CDH13: variants seen among roughly 807,000 people sequenced by gnomAD.
The protein encoded by CDH13 is cadherin 13, also known as cadherin-13.
Under a neutral mutation model 63.8 loss-of-function variants are expected in CDH13, and 24 were observed. The observed-to-expected ratio is 0.38, with a 90% CI of 0.27 to 0.53. CDH13 has a LOEUF of 0.53. Ranked by LOEUF, CDH13 falls within the 20% of genes least tolerant of loss-of-function variation. CDH13 has a pLI of 0.85. For missense variants in CDH13, 1,049 were observed against 903.1 expected, an observed-to-expected ratio of 1.16 and a Z score of -2.07; for synonymous variants, 503 against 355.3, an observed-to-expected ratio of 1.42 and a Z score of -4.67.
At chr16:83,370,257 G>A (rs2091340002) in intron 6 of CDH13, among the ~76,000 whole-genome samples, 4 of 151,806 alleles carry the variant, frequency 2.6e-5, no homozygotes, top group South Asian at 4.2e-4. Flanking sequence ...GTGCGGTGGC[G>A]GGCGGCTATA....
intron 1 of CDH13, among the ~76,000 whole-genome samples, chr16:82,726,177 C>T (rs2033082906): frequency 6.6e-6 from 1 of 152,138 alleles, no homozygotes; most frequent in South Asian, 2.1e-4. Context: ...GTAGGTTATA[C>T]AGCACCAAGG....
intron 3 of CDH13, among the ~76,000 whole-genome samples, chr16:83,036,264 C>G (rs1916846854): frequency 6.6e-6 from 1 of 151,522 alleles, no homozygotes; most frequent in African/African-American, 2.4e-5. Flanking sequence ...ATTCTCCTGC[C>G]TCAGCCTTCT....
chr16:83,132,879 C>T lies in CDH13; in HGVS notation c.483+7378C>T, dbSNP rs114107359. Among the ~76,000 whole-genome samples, 1,108 of 152,294 alleles carry T rather than the reference C, an allele frequency of 7.3e-3. 12 individuals are homozygous for T. Among genetic ancestry groups the T allele is most frequent in the African/African-American group, 0.025 (1,052 of 41,564 alleles). On this transcript the variant is annotated intron_variant, in intron 4 of 13. Transcript: ENST00000567109. ...TTGAGATGAACATCACAGTTTATTT[C>T]TACATTCAGCAGCCATAGCTACACA...
intron 10 of CDH13, among the ~76,000 whole-genome samples, chr16:83,688,648 T>C (rs903719927): frequency 6.6e-6 from 1 of 152,210 alleles, no homozygotes; most frequent in Non-Finnish European, 1.5e-5. Context: ...TTTTTTCTTT[T>C]TTAAGTCAAC....
intron 2 of CDH13, among the ~76,000 whole-genome samples, chr16:82,989,381 G>C (rs773242361): frequency 6.6e-6 from 1 of 152,196 alleles, no homozygotes; most frequent in Non-Finnish European, 1.5e-5. Flanking sequence ...TGGAGGTGCT[G>C]TTCTGCCTTT....
intron 2 of CDH13, among the ~76,000 whole-genome samples, chr16:82,932,905 T>C (rs909126940): frequency 6.6e-6 from 1 of 152,146 alleles, no homozygotes; most frequent in African/African-American, 2.4e-5. Flanking sequence ...GAGAATGAAG[T>C]TTACTAGTAG....
chr16:83,334,361 T>TCTCTCTCTCTCTCTCTCACA (rs1272779883), intron 5 of CDH13, among the ~76,000 whole-genome samples: 1 of 85,594 alleles, frequency 1.2e-5, no homozygotes, highest in Non-Finnish European at 2.2e-5. Context: ...TCTCTCTCTC[T>TCTCTCTCTCTCTCTCTCACA]CACACACACA....
intron 7 of CDH13, among the ~76,000 whole-genome samples, chr16:83,556,499 T>C (rs2075604996): frequency 1.3e-5 from 2 of 152,182 alleles, no homozygotes; most frequent in Admixed American, 6.5e-5. Flanking sequence ...AAAGTTGTTG[T>C]TGTTCCCAGT....
At chr16:83,382,847 C>G (rs2091594656) in intron 6 of CDH13, among the ~76,000 whole-genome samples, 1 of 152,146 alleles carries the variant, frequency 6.6e-6, no homozygotes, top group Admixed American at 6.5e-5. Flanking sequence ...TCTGACCCCA[C>G]CCATGGTACA....
At chr16:83,341,302 A>T (rs2090716911) in intron 5 of CDH13, among the ~76,000 whole-genome samples, 1 of 152,204 alleles carries the variant, frequency 6.6e-6, no homozygotes, top group Non-Finnish European at 1.5e-5. Flanking sequence ...TTATTCTCTG[A>T]TACTGGAGGA....
At chr16:83,773,021 G>A (rs1287365402) in intron 11 of CDH13, 1 of 152,220 alleles carries the variant, frequency 6.6e-6, no homozygotes, top group Non-Finnish European at 1.5e-5. Context: ...AGATGTTTGT[G>A]GGGAGGTTGG....
At chr16:82,931,512 C>A (rs1470651698) in intron 2 of CDH13, among the ~76,000 whole-genome samples, 1 of 123,914 alleles carries the variant, frequency 8.1e-6, no homozygotes, top group Non-Finnish European at 1.7e-5. Context: ...GAGGTCCCCC[C>A]CTTTTTTTTT....
At chr16:83,053,504 G>A (rs1431496967) in intron 3 of CDH13, among the ~76,000 whole-genome samples, 1 of 152,082 alleles carries the variant, frequency 6.6e-6, no homozygotes, top group Non-Finnish European at 1.5e-5. Flanking sequence ...GAACCCAGGA[G>A]CATAAATTGA....
chr16:83,452,888 G>A (rs1336847010), intron 6 of CDH13, among the ~76,000 whole-genome samples: 1 of 152,092 alleles, frequency 6.6e-6, no homozygotes, highest in African/African-American at 2.4e-5. Context: ...TTTGTTCCAG[G>A]AACACCAGCA....
intron 2 of CDH13, among the ~76,000 whole-genome samples, chr16:83,010,959 G>T (rs1404488084): frequency 6.6e-6 from 1 of 152,182 alleles, no homozygotes; most frequent in East Asian, 1.9e-4. Flanking sequence ...TCTTTCCAGA[G>T]CACTTAGTTC....
chr16:83,730,366 A>G (rs979828392), intron 10 of CDH13, among the ~76,000 whole-genome samples: 1 of 152,188 alleles, frequency 6.6e-6, no homozygotes, highest in African/African-American at 2.4e-5. Context: ...TGTGCTCCCT[A>G]TAGCTATTTC....
At chr16:82,782,278 TG>T (rs1381913831) in intron 1 of CDH13, among the ~76,000 whole-genome samples, 7 of 152,120 alleles carry the variant, frequency 4.6e-5, no homozygotes, top group African/African-American at 1.4e-4. Flanking sequence ...AGTAAACAAA[TG>T]GGCTGGGCAC....
intron 10 of CDH13, among the ~76,000 whole-genome samples, chr16:83,694,613 CTAAAGAG>C (rs1157287372): frequency 7.2e-5 from 11 of 152,304 alleles, no homozygotes; most frequent in Admixed American, 7.2e-4. Context: ...AGTTCCCACA[CTAAAGAG>C]TGTCTCTGTC....
intron 10 of CDH13, among the ~76,000 whole-genome samples, chr16:83,718,553 C>G (rs747568886): frequency 6.6e-6 from 1 of 152,130 alleles, no homozygotes; most frequent in Non-Finnish European, 1.5e-5. Context: ...TTTCTCATAA[C>G]TGAGGTGTCA....
Sources: gnomAD v4.1 joint callset for allele counts (sites outside exome capture counted in the v4.1 genomes callset) on GRCh38, gnomAD v4.1.1 for gene constraint, MANE v1.5 for transcripts, NCBI Gene and HGNC (gene_info 2026-07-23, HGNC 2026-07-21) for gene names.